GRID2: variants seen among roughly 807,000 people sequenced by gnomAD.
GRID2 encodes the protein glutamate ionotropic receptor delta type subunit 2, also known as glutamate receptor ionotropic, delta-2.
Under a neutral mutation model 114.8 loss-of-function variants are expected in GRID2, and 33 were observed. That is an observed-to-expected ratio of 0.29 (90% confidence interval 0.22 to 0.38). GRID2 has a LOEUF of 0.38. Ranked by LOEUF, GRID2 falls within the 10% of genes least tolerant of loss-of-function variation. The probability of loss-of-function intolerance (pLI) is 1.00; values close to 1 mark genes in which losing one functional copy is unlikely to be tolerated. For synonymous variants in GRID2, 505 were observed against 449.9 expected (o/e 1.12, Z -1.55); for missense variants, 1,184 against 1,257.7 (o/e 0.94, Z 0.89).
chr4:93,171,909 G>A (rs924551080), intron 4 of GRID2, among the ~76,000 whole-genome samples: 8 of 152,134 alleles, frequency 5.3e-5, no homozygotes, highest in African/African-American at 1.9e-4. Context: ...TTAGTAAAGA[G>A]ATTCAAAGTC....
chr4:92,513,918 T>G (rs1333832892), intron 1 of GRID2, among the ~76,000 whole-genome samples: 1 of 151,880 alleles, frequency 6.6e-6, no homozygotes, highest in African/African-American at 2.4e-5. Context: ...TGGTTACCAG[T>G]TTCTTCAGGA....
At chr4:92,477,467 T>C (rs188647528) in intron 1 of GRID2, among the ~76,000 whole-genome samples, 4 of 152,108 alleles carry the variant, frequency 2.6e-5, no homozygotes, top group African/African-American at 9.6e-5. Flanking sequence ...TTTCAGTGAT[T>C]ACTGAGCCAG....
intron 1 of GRID2, among the ~76,000 whole-genome samples, chr4:92,516,278 A>AGTT (rs1724496344): frequency 6.6e-6 from 1 of 151,896 alleles, no homozygotes; most frequent in Non-Finnish European, 1.5e-5. Context: ...AATGTCATTC[A>AGTT]TGTTGTATAT....
intron 1 of GRID2, among the ~76,000 whole-genome samples, chr4:92,414,347 A>G (rs113278457): frequency 3.7e-4 from 56 of 152,314 alleles, no homozygotes; most frequent in African/African-American, 1.3e-3. Context: ...AATCTGCAAA[A>G]CTTTCGTGAT....
chr4:92,862,123 G>T (rs911659715), intron 2 of GRID2, among the ~76,000 whole-genome samples: 3 of 151,834 alleles, frequency 2.0e-5, no homozygotes, highest in Non-Finnish European at 4.4e-5. Context: ...TGTCCCAAAG[G>T]GTACTCTGGA....
chr4:92,897,975 G>A (rs537241974), intron 2 of GRID2, among the ~76,000 whole-genome samples: 7 of 152,146 alleles, frequency 4.6e-5, no homozygotes, highest in Admixed American at 6.5e-5. Context: ...AGAGATTCAC[G>A]TATCCAACAC....
intron 2 of GRID2, among the ~76,000 whole-genome samples, chr4:92,672,710 A>G (rs1224104438): frequency 6.6e-6 from 1 of 152,128 alleles, no homozygotes; most frequent in African/African-American, 2.4e-5. Context: ...ATTCATACAT[A>G]ATACATGTAA....
intron 1 of GRID2, among the ~76,000 whole-genome samples, chr4:92,314,793 T>C (rs1725882042): frequency 6.6e-6 from 1 of 152,088 alleles, no homozygotes; most frequent in Non-Finnish European, 1.5e-5. Context: ...TCTGAAAAAA[T>C]TCTGAAAACC....
intron 8 of GRID2, among the ~76,000 whole-genome samples, chr4:93,242,926 C>T (rs1335625402): frequency 6.6e-6 from 1 of 152,010 alleles, no homozygotes; most frequent in East Asian, 1.9e-4. Flanking sequence ...GAATCATACA[C>T]ATTAGATTAC....
chr4:93,289,185 G>A (rs1169092672), intron 8 of GRID2, among the ~76,000 whole-genome samples: 2 of 152,144 alleles, frequency 1.3e-5, no homozygotes, highest in East Asian at 3.9e-4. Context: ...AGCTTCATAG[G>A]TAGGTGATTA....
intron 4 of GRID2, among the ~76,000 whole-genome samples, chr4:93,189,773 CCACACACACACACACACACA>C (rs34137840): frequency 1.4e-5 from 2 of 138,898 alleles, no homozygotes; most frequent in Non-Finnish European, 3.1e-5. Context: ...CCACACCACA[CCACACACACACACACACACA>C]CACACACACA....
At chr4:92,481,852 A>G (rs1487211850) in intron 1 of GRID2, among the ~76,000 whole-genome samples, 4 of 151,332 alleles carry the variant, frequency 2.6e-5, no homozygotes, top group Non-Finnish European at 4.4e-5. Flanking sequence ...AAGTATTTCA[A>G]TTTATTTGTG....
At chr4:93,163,356 GTATATATATA>G (rs57285537) in intron 4 of GRID2, among the ~76,000 whole-genome samples, 1,862 of 55,932 alleles carry the variant, frequency 0.033, 84 homozygotes, top group African/African-American at 0.12. Context: ...TTTTTTTTGT[GTATATATATA>G]TATATATATA....
At chr4:92,411,655 G>GTGTGTGTGTATGTATATATATATATATA in intron 1 of GRID2, among the ~76,000 whole-genome samples, 5 of 84,694 alleles carry the variant, frequency 5.9e-5, no homozygotes, top group African/African-American at 2.3e-4. Flanking sequence ...GTGTGTGTGT[G>GTGTGTGTGTATGTATATATATATATATA]TATATATATA....
At chr4:93,457,127 A>G (rs1397330830) in intron 11 of GRID2, among the ~76,000 whole-genome samples, 2 of 152,172 alleles carry the variant, frequency 1.3e-5, no homozygotes, top group Admixed American at 6.5e-5. Flanking sequence ...GTCTAATGAG[A>G]CACAAACATG....
intron 2 of GRID2, among the ~76,000 whole-genome samples, chr4:92,639,410 G>A (rs1162823662): frequency 6.6e-6 from 1 of 151,610 alleles, no homozygotes; most frequent in Non-Finnish European, 1.5e-5. Context: ...CTATGTTCTT[G>A]CTTAAGGAAC....
At chr4:92,759,921 C>T (rs760254546) in intron 2 of GRID2, among the ~76,000 whole-genome samples, 8 of 151,702 alleles carry the variant, frequency 5.3e-5, no homozygotes, top group Non-Finnish European at 1.2e-4. Context: ...CGACAGTGCT[C>T]AGCCTGCTCT....
chr4:93,763,495 A>T (rs1181971600), intron 14 of GRID2, among the ~76,000 whole-genome samples: 1 of 152,230 alleles, frequency 6.6e-6, no homozygotes, highest in Admixed American at 6.5e-5. Flanking sequence ...TAGAGGAAAC[A>T]TATTGATGAG....
intron 1 of GRID2, among the ~76,000 whole-genome samples, chr4:92,313,493 A>G (rs149695182): frequency 7.2e-5 from 11 of 151,984 alleles, no homozygotes; most frequent in African/African-American, 2.7e-4. Context: ...AAAGAAAGAA[A>G]ATAATAATAA....
Sources: allele counts gnomAD v4.1 joint callset (sites outside exome capture counted in the v4.1 genomes callset), GRCh38; gene constraint gnomAD v4.1.1; transcripts MANE v1.5; gene names NCBI Gene and HGNC (gene_info 2026-07-23, HGNC 2026-07-21).